Variants in POU6F2 observed in about 807,000 individuals in gnomAD.
POU6F2 encodes the protein POU domain, class 6, transcription factor 2.
Under a neutral mutation model 71.3 loss-of-function variants are expected in POU6F2, and 31 were observed. The observed-to-expected ratio is 0.43, with a 90% CI of 0.33 to 0.59. The LOEUF (loss-of-function observed/expected upper bound fraction) is 0.59, where lower values mean the gene tolerates loss of function less well. Ranked by LOEUF, POU6F2 falls within the 20% of genes least tolerant of loss-of-function variation. The probability of loss-of-function intolerance (pLI) is 0.04; values close to 1 mark genes in which losing one functional copy is unlikely to be tolerated. For missense variants in POU6F2, 783 were observed against 856.8 expected (o/e 0.91, Z 1.07); for synonymous variants, 347 against 355.7 (o/e 0.98, Z 0.27).
intron 2 of POU6F2, among the ~76,000 whole-genome samples, chr7:39,181,857 C>T (rs1197850637): frequency 6.6e-6 from 1 of 152,140 alleles, no homozygotes; most frequent in Non-Finnish European, 1.5e-5. Context: ...ATGATGTTTC[C>T]TTCCTCTTGT....
chr7:39,412,413 G>T (rs1025629806), intron 6 of POU6F2, among the ~76,000 whole-genome samples: 6 of 152,118 alleles, frequency 3.9e-5, no homozygotes, highest in African/African-American at 1.4e-4. Context: ...CTCAGCCAAA[G>T]GATTGAGATA....
chr7:39,083,380 T>C (rs755334673), intron 1 of POU6F2, among the ~76,000 whole-genome samples: 1 of 152,150 alleles, frequency 6.6e-6, no homozygotes, highest in Non-Finnish European at 1.5e-5. Context: ...AGACTGAGGA[T>C]TCAACCTTTT....
chr7:39,176,119 C>A (rs1793324093), intron 2 of POU6F2, among the ~76,000 whole-genome samples: 2 of 152,156 alleles, frequency 1.3e-5, no homozygotes. Context: ...GTGCTTAACT[C>A]CGCCAAATAA....
At chr7:39,034,874 C>CT (rs1790024233) in intron 1 of POU6F2, among the ~76,000 whole-genome samples, 1 of 151,992 alleles carries the variant, frequency 6.6e-6, no homozygotes, top group South Asian at 2.1e-4. Context: ...GCCGAGTTCT[C>CT]TGTTTATTTT....
chr7:39,377,478 A>T (rs768626867), intron 5 of POU6F2, among the ~76,000 whole-genome samples: 98 of 152,202 alleles, frequency 6.4e-4, no homozygotes, highest in Admixed American at 6.5e-4. Context: ...TCCTTAGTAA[A>T]TGAAAATGTT....
intron 5 of POU6F2, among the ~76,000 whole-genome samples, chr7:39,392,753 A>G (rs1787099027): frequency 6.6e-6 from 1 of 152,208 alleles, no homozygotes; most frequent in South Asian, 2.1e-4. Context: ...ATGACCAGGG[A>G]GCTGCTGATG....
At chr7:39,149,167 CCTCA>C (rs1367611930) in intron 2 of POU6F2, among the ~76,000 whole-genome samples, 2 of 152,152 alleles carry the variant, frequency 1.3e-5, no homozygotes, top group African/African-American at 4.8e-5. Context: ...TCACTCCATT[CCTCA>C]CTGTCTCCCT....
intron 2 of POU6F2, among the ~76,000 whole-genome samples, chr7:39,165,193 C>G (rs10234560): frequency 0.24 from 36,884 of 151,968 alleles, 5,134 homozygotes; most frequent in East Asian, 0.62. Flanking sequence ...AACTACACTC[C>G]CCCCAGCCCC....
At chr7:39,140,246 C>T (rs1002610250) in intron 2 of POU6F2, among the ~76,000 whole-genome samples, 1 of 152,192 alleles carries the variant, frequency 6.6e-6, no homozygotes, top group Non-Finnish European at 1.5e-5. Context: ...TGTCCCTCCA[C>T]CTCCCAATTT....
chr7:39,235,294 A>C (rs73126445), intron 4 of POU6F2, among the ~76,000 whole-genome samples: 19,880 of 152,274 alleles, frequency 0.13, 1,321 homozygotes, highest in African/African-American at 0.16. Flanking sequence ...GTATCTGGGC[A>C]GATCATAATA....
Position 39,105,851 on chromosome 7 carries a change from C to T in POU6F2, c.277+19820C>T, listed in dbSNP as rs539331731. On this transcript the variant is annotated intron_variant, in intron 2 of 9. Coordinates refer to ENST00000518318, the MANE Select transcript of POU6F2 (RefSeq NM_001370959.1). The stretch of plus-strand genomic sequence containing the variant: ...TTTTCCTGAATCAATATCCTCCAGC[C>T]CTCCAGTACCCAGGGGATACATGGA... Among the ~76,000 whole-genome samples the T allele has an allele frequency of 9.2e-5, 14 of 152,290 alleles. No homozygotes were observed. The South Asian group carries it at 2.3e-3, about 25-fold the overall frequency.
At chr7:39,350,214 T>TC (rs1786114366) in intron 5 of POU6F2, among the ~76,000 whole-genome samples, 1 of 152,146 alleles carries the variant, frequency 6.6e-6, no homozygotes. Flanking sequence ...TTTTTTTTTT[T>TC]CTCAGCTGGA....
At chr7:39,457,181 C>T (rs138332615) in intron 8 of POU6F2, among the ~76,000 whole-genome samples, 117 of 152,262 alleles carry the variant, frequency 7.7e-4, no homozygotes, top group African/African-American at 2.7e-3. Context: ...GATTAGAGGA[C>T]ACATTTACAT....
chr7:39,087,753 C>G (rs191479853), intron 2 of POU6F2, among the ~76,000 whole-genome samples: 107 of 152,188 alleles, frequency 7.0e-4, no homozygotes, highest in African/African-American at 2.5e-3. Context: ...AAAATAAAAG[C>G]AAATGGATTT....
chr7:39,242,352 A>C (rs1783743148), intron 4 of POU6F2, among the ~76,000 whole-genome samples: 1 of 149,986 alleles, frequency 6.7e-6, no homozygotes, highest in Non-Finnish European at 1.5e-5. Flanking sequence ...ACATCCTGTC[A>C]GCACTTCATG....
Position 39,087,179 on chromosome 7 carries a change from T to A in POU6F2, c.277+1148T>A, listed in dbSNP as rs565285707. Among the ~76,000 whole-genome samples the A allele has an allele frequency of 9.8e-3, 1,268 of 129,646 alleles. 22 individuals are homozygous for A. Among genetic ancestry groups the A allele is most frequent in the African/African-American group, 0.036 (1,161 of 31,984 alleles). 85.1% of individuals were successfully genotyped at this position (129,646 alleles called of 152,430 possible). A position where few individuals can be genotyped will look rare whatever the true frequency, so the allele number is the denominator to read the frequency against. ...TAATTAATTTATTTATTTATTTATT[T>A]ATTTATTTATTTATTTATTTTAACC... On this transcript the variant is annotated intron_variant, in intron 2 of 9. Transcript: ENST00000518318.
intron 4 of POU6F2, among the ~76,000 whole-genome samples, chr7:39,257,874 C>A (rs1021652079): frequency 6.6e-6 from 1 of 151,516 alleles, no homozygotes; most frequent in Admixed American, 6.6e-5. Context: ...TACATTTTTC[C>A]CCATAGACGT....
intron 7 of POU6F2, among the ~76,000 whole-genome samples, chr7:39,443,798 C>A (rs1263010554): frequency 6.6e-6 from 1 of 152,162 alleles, no homozygotes; most frequent in Admixed American, 6.5e-5. Context: ...ATAATATGGA[C>A]AACCACTAAA....
chr7:39,157,248 G>A (rs1444358004), intron 2 of POU6F2, among the ~76,000 whole-genome samples: 2 of 152,090 alleles, frequency 1.3e-5, no homozygotes, highest in Non-Finnish European at 2.9e-5. Flanking sequence ...ATGTCTGTGG[G>A]GAGGATCCGT....
Sources: gnomAD v4.1 joint callset for allele counts (sites outside exome capture counted in the v4.1 genomes callset) on GRCh38, gnomAD v4.1.1 for gene constraint, MANE v1.5 for transcripts, NCBI Gene and HGNC (gene_info 2026-07-23, HGNC 2026-07-21) for gene names.